The following SORCS3 variants were observed in gnomAD, a reference collection of about 807,000 sequenced individuals.
SORCS3 encodes sortilin related VPS10 domain containing receptor 3, also known as VPS10 domain-containing receptor SorCS3.
In SORCS3, 57 loss-of-function variants were observed where a neutral mutation model predicts 146.3. That is an observed-to-expected ratio of 0.39 (90% CI 0.31 to 0.49). The LOEUF is 0.49. Among genes scored for constraint, SORCS3 ranks in the 20% least tolerant of loss-of-function variants. The pLI is 0.92. For missense variants in SORCS3, 1,341 were observed against 1,575.5 expected, an observed-to-expected ratio of 0.85 and a Z score of 2.52; for synonymous variants, 653 against 618.5, an observed-to-expected ratio of 1.06 and a Z score of -0.83.
chr10:105,228,374 TTTC>T (rs1365442179), intron 20 of SORCS3, among the ~76,000 whole-genome samples: 9 of 151,642 alleles, frequency 5.9e-5, no homozygotes, highest in Admixed American at 5.3e-4. Flanking sequence ...CTTTCTCTCT[TTTC>T]TTTCTTTCTC....
At chr10:104,866,950 A>G (rs2018465555) in intron 2 of SORCS3, among the ~76,000 whole-genome samples, 1 of 152,150 alleles carries the variant, frequency 6.6e-6, no homozygotes, top group Non-Finnish European at 1.5e-5. Context: ...TACCATTATC[A>G]TAAGATGCTC....
chr10:104,882,068 T>G (rs899995639), intron 2 of SORCS3, among the ~76,000 whole-genome samples: 1 of 151,984 alleles, frequency 6.6e-6, no homozygotes, highest in Non-Finnish European at 1.5e-5. Flanking sequence ...GGAGGCAGAG[T>G]CTCCTTTAAA....
chr10:105,189,351 G>A (rs2056499009), intron 14 of SORCS3, among the ~76,000 whole-genome samples: 1 of 152,172 alleles, frequency 6.6e-6, no homozygotes, highest in Non-Finnish European at 1.5e-5. Context: ...ATCCAATAAA[G>A]TGAGAGGAAA....
At chr10:104,948,317 T>C in intron 3 of SORCS3, among the ~76,000 whole-genome samples, 1 of 152,158 alleles carries the variant, frequency 6.6e-6, no homozygotes, top group East Asian at 1.9e-4. Flanking sequence ...AAATAAGGGC[T>C]TTGCCAAATT....
chr10:104,905,785 T>C (rs1312239935), intron 2 of SORCS3, among the ~76,000 whole-genome samples: 2 of 152,152 alleles, frequency 1.3e-5, no homozygotes, highest in Non-Finnish European at 2.9e-5. Flanking sequence ...GCAGGTGAGA[T>C]GAGAGGCTCC....
intron 1 of SORCS3, among the ~76,000 whole-genome samples, chr10:104,724,006 G>A (rs1394972430): frequency 6.6e-6 from 1 of 152,174 alleles, no homozygotes; most frequent in Non-Finnish European, 1.5e-5. Context: ...GTGTGAATTT[G>A]ATCCTGTCAT....
chr10:105,213,242 C>A (rs2119645414), intron 17 of SORCS3, among the ~76,000 whole-genome samples: 1 of 152,242 alleles, frequency 6.6e-6, no homozygotes, highest in Middle Eastern at 3.4e-3. Flanking sequence ...AGCTTAATAT[C>A]CCCTGGGATC....
chr10:104,856,608 T>A (rs1329433065), intron 2 of SORCS3, among the ~76,000 whole-genome samples: 14 of 26,028 alleles, frequency 5.4e-4, no homozygotes, highest in African/African-American at 9.7e-4. Flanking sequence ...ATAAATGTAT[T>A]TATATGTATA....
At chr10:104,880,878 C>T (rs1390644107) in intron 2 of SORCS3, among the ~76,000 whole-genome samples, 3 of 152,128 alleles carry the variant, frequency 2.0e-5, no homozygotes, top group African/African-American at 7.2e-5. Context: ...ACATGAGTCA[C>T]AATGGGACTT....
At chr10:105,045,037 A>AAAAAAAAAAAAAAGAAAGAAAGAAAG (rs796179490) in intron 5 of SORCS3, among the ~76,000 whole-genome samples, 1 of 128,760 alleles carries the variant, frequency 7.8e-6, no homozygotes, top group African/African-American at 2.8e-5. Flanking sequence ...AAAAAAAAAA[A>AAAAAAAAAAAAAAGAAAGAAAGAAAG]AAAAGAAAGA....
intron 6 of SORCS3, among the ~76,000 whole-genome samples, chr10:105,101,036 A>G (rs1176123488): frequency 6.6e-6 from 1 of 152,186 alleles, no homozygotes; most frequent in Admixed American, 6.5e-5. Context: ...TGCTTTCAGA[A>G]CCACTGGAGT....
At chr10:105,116,509 T>C (rs2055894350) in intron 7 of SORCS3, among the ~76,000 whole-genome samples, 1 of 152,176 alleles carries the variant, frequency 6.6e-6, no homozygotes, top group African/African-American at 2.4e-5. Flanking sequence ...AGGATTACCA[T>C]TCGACCCAGC....
chr10:105,057,935 T>C (rs566700766), intron 5 of SORCS3, among the ~76,000 whole-genome samples: 94 of 152,224 alleles, frequency 6.2e-4, no homozygotes, highest in Non-Finnish European at 1.1e-3. Context: ...TCTCCCCTTT[T>C]AGGCATCTCA....
chr10:105,111,495 T>C (rs1425036947), intron 7 of SORCS3, among the ~76,000 whole-genome samples: 2 of 152,206 alleles, frequency 1.3e-5, no homozygotes, highest in Non-Finnish European at 2.9e-5. Flanking sequence ...GTTATCTTTT[T>C]CAAGCAAGGG....
chr10:104,706,099 C>G (rs76365720), intron 1 of SORCS3, among the ~76,000 whole-genome samples: 3,285 of 151,806 alleles, frequency 0.022, 50 homozygotes, highest in Middle Eastern at 0.088. Flanking sequence ...TGGATGACCT[C>G]TTTGCCATTC....
chr10:104,835,624 C>A (rs2018057595), intron 1 of SORCS3, among the ~76,000 whole-genome samples: 1 of 152,154 alleles, frequency 6.6e-6, no homozygotes, highest in African/African-American at 2.4e-5. Flanking sequence ...ACAGGAATCC[C>A]CTGGGGCTTT....
chr10:104,822,335 T>A (rs187364408), intron 1 of SORCS3, among the ~76,000 whole-genome samples: 1 of 152,332 alleles, frequency 6.6e-6, no homozygotes, highest in East Asian at 1.9e-4. Context: ...AACTAAGATA[T>A]GTGAGGAACT....
In SORCS3 at chr10:104,977,372, T is replaced by C; in HGVS notation, c.833T>C (p.Ile278Thr). The C allele has an allele frequency of 1.2e-6, 2 of 1,613,726 alleles. No individual in the cohort carries two copies. Among genetic ancestry groups the C allele is most frequent in the Non-Finnish European group, 1.7e-6 (2 of 1,179,802 alleles). Residue 278 changes from isoleucine to threonine, a missense_variant, in exon 4 of 27, where the codon ATA (isoleucine) becomes ACA (threonine). Coordinates refer to ENST00000369701, the MANE Select transcript of SORCS3 (RefSeq NM_014978.3). The part of the protein sequence containing the change: ...LLSDPEMESS[I>T]LISSDEGATY... Reference sequence around the variant, plus strand: ...AGTGATCCTGAGATGGAGAGCAGCATATTGATCAGCTCAGACGAAGGGGCG... The same window carrying C: ...AGTGATCCTGAGATGGAGAGCAGCACATTGATCAGCTCAGACGAAGGGGCG...
chr10:105,161,095 T>C (rs2056258065), intron 11 of SORCS3, among the ~76,000 whole-genome samples: 1 of 151,952 alleles, frequency 6.6e-6, no homozygotes, highest in African/African-American at 2.4e-5. Context: ...AAAGATTTAT[T>C]TTTGAATTTT....
Sources: gnomAD v4.1 joint callset for allele counts (sites outside exome capture counted in the v4.1 genomes callset) on GRCh38, gnomAD v4.1.1 for gene constraint, MANE v1.5 for transcripts, NCBI Gene and HGNC (gene_info 2026-07-23, HGNC 2026-07-21) for gene names.